The following GNPNAT1 variants were observed in gnomAD, a reference collection of about 807,000 sequenced individuals.
GNPNAT1 encodes the protein glucosamine-phosphate N-acetyltransferase 1, also known as glucosamine 6-phosphate N-acetyltransferase.
Under a neutral mutation model 19.8 loss-of-function variants are expected in GNPNAT1, and 11 were observed. The observed-to-expected ratio is 0.56, with a 90% confidence interval of 0.35 to 0.92. GNPNAT1 has a LOEUF of 0.92. Among genes scored for constraint, GNPNAT1 ranks in the 40% least tolerant of loss-of-function variants. The pLI is 0.01. For synonymous variants in GNPNAT1, 71 were observed against 72.3 expected (o/e 0.98, Z 0.09); for missense variants, 157 against 211.0 (o/e 0.74, Z 1.59).
intron 1 of GNPNAT1, among the ~76,000 whole-genome samples, chr14:52,786,853 T>G (rs1412089694): frequency 2.2e-5 from 3 of 133,746 alleles, no homozygotes; most frequent in Non-Finnish European, 4.6e-5. Flanking sequence ...GTTTCAGGTT[T>G]TGGATTTTTT....
rs2296497 is a variant in GNPNAT1, at chr14:52,782,098, A to G, written c.218-187T>C. Among the ~76,000 whole-genome samples, 779 of 152,248 alleles carry G rather than the reference A, an allele frequency of 5.1e-3. 6 individuals carry two copies. The highest frequency in any genetic ancestry group is 0.044 in the East Asian group (230 of 5,190). On this transcript the variant is annotated intron_variant, in intron 3 of 5. Transcript: ENST00000216410. ...ATATCAGCAATTAGTATCAATTGGA[A>G]TATAACCTACACATTCAAAATATCT... is the stretch of plus-strand genomic sequence containing the variant.
At chr14:52,790,594 G>GT (rs760989548) in intron 1 of GNPNAT1, among the ~76,000 whole-genome samples, 1 of 152,208 alleles carries the variant, frequency 6.6e-6, no homozygotes, top group Non-Finnish European at 1.5e-5. Context: ...AACACAGCAA[G>GT]TAAGTGACTT....
chr14:52,783,910 T>C (rs1265392731), intron 2 of GNPNAT1, among the ~76,000 whole-genome samples: 1 of 152,192 alleles, frequency 6.6e-6, no homozygotes, highest in Non-Finnish European at 1.5e-5. Context: ...CTCTTTAAAA[T>C]TGTAATTTCT....
intron 1 of GNPNAT1, among the ~76,000 whole-genome samples, chr14:52,789,986 CAAAA>C (rs200756037): frequency 8.3e-4 from 89 of 107,220 alleles, no homozygotes; most frequent in African/African-American, 2.3e-3. Flanking sequence ...TCCAGAAGGA[CAAAA>C]AAAAAAAAAA....
In GNPNAT1 at chr14:52,779,724, T is replaced by TAAAA. The variant is rs35906707; in HGVS notation, c.407+951_407+954dup. 6.5e-3 allele frequency among the ~76,000 whole-genome samples: 250 copies of TAAAA among 38,202 alleles called. 25 individuals are homozygous for TAAAA. Among genetic ancestry groups the TAAAA allele is most frequent in the African/African-American group, 0.023 (195 of 8,548 alleles). The allele number at this position is 38,202 out of a possible 152,430, so 25.1% of individuals were successfully genotyped here. On this transcript the variant is annotated intron_variant, in intron 5 of 5. Coordinates refer to ENST00000216410, the MANE Select transcript of GNPNAT1 (RefSeq NM_198066.4). The stretch of plus-strand genomic sequence containing the variant: ...GGCAACAGAAAGAGATCCCATCTCT[T>TAAAA]AAAAAAAAAAAAAAAAAAAAAAAAA...
In GNPNAT1 at chr14:52,777,646, A is replaced by G. The variant is rs1882769888; in HGVS notation, c.*665T>C. The stretch of plus-strand genomic sequence containing the variant: ...AAATGAATAGTCATAATTCACAGAA[A>G]AGACAAGTGGTACTTTTTATCTACA... On this transcript the variant is annotated 3_prime_UTR_variant, in exon 6 of 6. Coordinates refer to ENST00000216410, the MANE Select transcript of GNPNAT1 (RefSeq NM_198066.4). 5 of 152,222 alleles carry G rather than the reference A, an allele frequency of 3.3e-5. No individual in the cohort carries two copies. The highest frequency in any genetic ancestry group is 7.3e-5 in the Non-Finnish European group (5 of 68,030). 9.4% of individuals were successfully genotyped at this position (152,222 alleles called of 1,614,324 possible).
intron 1 of GNPNAT1, chr14:52,787,880 A>G (rs540970080): frequency 3.3e-5 from 5 of 152,236 alleles, no homozygotes; most frequent in African/African-American, 7.2e-5. Context: ...AACTACAAAA[A>G]GAATGACAGG....
In GNPNAT1 at chr14:52,783,409, G is replaced by A. The variant is rs777900880; in HGVS notation, c.217+14C>T. On this transcript the variant is annotated intron_variant, in intron 3 of 5. Transcript: ENST00000216410. ...TTTCCCTTTATTTCAGGAAAAAGAG[G>A]TTATAGTACTTACTCATAAATTGTT... The A allele has an allele frequency of 1.3e-6, 2 of 1,553,434 alleles. No homozygotes were observed. The highest frequency in any genetic ancestry group is 1.8e-6 in the Non-Finnish European group (2 of 1,127,608).
chr14:52,786,388 C>A (rs1883019239), intron 1 of GNPNAT1, among the ~76,000 whole-genome samples: 1 of 151,870 alleles, frequency 6.6e-6, no homozygotes, highest in African/African-American at 2.4e-5. Context: ...CCTGTAATCC[C>A]AGCTACTTGG....
intron 1 of GNPNAT1, among the ~76,000 whole-genome samples, chr14:52,789,098 C>A (rs1407726567): frequency 6.6e-6 from 1 of 152,150 alleles, no homozygotes; most frequent in Non-Finnish European, 1.5e-5. Flanking sequence ...CCAATAAGAA[C>A]AGAGTGAGGA....
rs777255799 is a variant in GNPNAT1, at chr14:52,781,776, G to T, written c.345+8C>A. 66 of 1,587,302 alleles carry T rather than the reference G, an allele frequency of 4.2e-5. No individual in the cohort carries two copies. The highest frequency in any genetic ancestry group is 5.6e-5 in the Non-Finnish European group (66 of 1,171,626). ...CAGCTGTCCATTTTATTTATAAGCA[G>T]CACATACCTTAGCACAGGAATGGAT... On this transcript the variant is annotated splice_region_variant and intron_variant, in intron 4 of 5. Coordinates refer to ENST00000216410, the MANE Select transcript of GNPNAT1 (RefSeq NM_198066.4).
chr14:52,783,186 C>A (rs1882933830), intron 3 of GNPNAT1, among the ~76,000 whole-genome samples: 1 of 151,988 alleles, frequency 6.6e-6, no homozygotes, highest in East Asian at 1.9e-4. Context: ...ACACCTAGGT[C>A]CTATGGTACA....
intron 1 of GNPNAT1, among the ~76,000 whole-genome samples, chr14:52,790,594 G>C (rs1016447533): frequency 1.3e-5 from 2 of 152,208 alleles, no homozygotes; most frequent in Non-Finnish European, 2.9e-5. Flanking sequence ...AACACAGCAA[G>C]TAAGTGACTT....
intron 5 of GNPNAT1, among the ~76,000 whole-genome samples, chr14:52,779,806 T>C (rs954477530): frequency 1.3e-5 from 2 of 151,240 alleles, no homozygotes; most frequent in Admixed American, 1.3e-4. Context: ...CACTGAGGTA[T>C]TCCAAATACC....
In GNPNAT1 at chr14:52,783,495, A is replaced by C. The variant is rs769840631; in HGVS notation, c.155-10T>G. The C allele has an allele frequency of 2.5e-6, 4 of 1,587,310 alleles. No homozygotes were observed. Among genetic ancestry groups the C allele is most frequent in the Non-Finnish European group, 3.5e-6 (4 of 1,156,186 alleles). On this transcript the variant is annotated splice_polypyrimidine_tract_variant and intron_variant, in intron 2 of 5. Transcript: ENST00000216410. ...AATACCTTAAAAAAACCTAGTTTTG[A>C]AAAACAGATTTCAAATTACGAGAAT...
intron 1 of GNPNAT1, among the ~76,000 whole-genome samples, chr14:52,790,355 T>C (rs1883142112): frequency 6.6e-6 from 1 of 152,220 alleles, no homozygotes; most frequent in African/African-American, 2.4e-5. Context: ...AGGGGCGGAC[T>C]TCGGATTCCT....
chr14:52,781,578 T>C (rs1882895602), intron 4 of GNPNAT1, among the ~76,000 whole-genome samples: 1 of 152,024 alleles, frequency 6.6e-6, no homozygotes, highest in African/African-American at 2.4e-5. Flanking sequence ...TCTATGCCTA[T>C]ACCAAATTGA....
intron 5 of GNPNAT1, among the ~76,000 whole-genome samples, chr14:52,779,016 G>C (rs1882814034): frequency 6.6e-6 from 1 of 150,892 alleles, no homozygotes; most frequent in African/African-American, 2.4e-5. Flanking sequence ...TCTCTGTCTT[G>C]AAAAAGAAAA....
chr14:52,781,353 G>GT (rs1298171861), intron 4 of GNPNAT1, among the ~76,000 whole-genome samples: 2 of 151,970 alleles, frequency 1.3e-5, no homozygotes, highest in East Asian at 1.9e-4. Context: ...TTGAATTAAG[G>GT]TTTTCTCTCC....
Sources: gnomAD v4.1 joint callset for allele counts (sites outside exome capture counted in the v4.1 genomes callset) on GRCh38, gnomAD v4.1.1 for gene constraint, MANE v1.5 for transcripts, NCBI Gene and HGNC (gene_info 2026-07-23, HGNC 2026-07-21) for gene names.